Variants in ARMH4 observed in about 807,000 individuals in gnomAD.
The protein encoded by ARMH4 is armadillo like helical domain containing 4.
ARMH4 carries 49 observed loss-of-function variants against 61.9 expected under a neutral mutation model. That is an observed-to-expected ratio of 0.79 (90% CI 0.63 to 1.00). The LOEUF is 1.00. ARMH4 is among the 50% of genes least tolerant of loss of function. ARMH4 has a pLI of 0.00. For synonymous variants in ARMH4, 368 were observed against 341.5 expected, an observed-to-expected ratio of 1.08 and a Z score of -0.85; for missense variants, 934 against 930.0, an observed-to-expected ratio of 1.00 and a Z score of -0.06.
intron 5 of ARMH4, among the ~76,000 whole-genome samples, chr14:58,022,538 C>G (rs1233166116): frequency 1.3e-5 from 2 of 152,210 alleles, no homozygotes; most frequent in East Asian, 1.9e-4. Flanking sequence ...GAATCCCCAG[C>G]AGCAAGGAGC....
At chr14:58,140,975 T>C (rs1887529095) in intron 1 of ARMH4, among the ~76,000 whole-genome samples, 1 of 152,024 alleles carries the variant, frequency 6.6e-6, no homozygotes, top group Non-Finnish European at 1.5e-5. Flanking sequence ...AAAAGGTGCC[T>C]TCTATGAACC....
Position 58,035,820 on chromosome 14 carries a change from A to C in ARMH4, c.2090-23670T>G, listed in dbSNP as rs1399583904. ...TCTAGAAGAAATGGATAAATTCCTC[A>C]ACACATACACTCTCCCAAGACTAAA... On this transcript the variant is annotated intron_variant, in intron 5 of 7. Transcript: ENST00000267485. Among the ~76,000 whole-genome samples, 3 of 138,824 alleles carry C rather than the reference A, an allele frequency of 2.2e-5. No homozygotes were observed. In the East Asian group the frequency reaches 6.1e-4, roughly 28 times the overall value. The allele number at this position is 138,824 out of a possible 152,430, so 91.1% of individuals were successfully genotyped here. A position where few individuals can be genotyped will look rare whatever the true frequency, so the allele number is the denominator to read the frequency against.
At chr14:58,018,303 T>C (rs545719572) in intron 5 of ARMH4, among the ~76,000 whole-genome samples, 22 of 152,096 alleles carry the variant, frequency 1.4e-4, no homozygotes, top group African/African-American at 5.3e-4. Flanking sequence ...AGCTTCCATA[T>C]AGCCAAGGAG....
At position 58,133,297 on chromosome 14, in the gene ARMH4, C is replaced by T. The variant is rs1566596628; in HGVS notation, c.1414G>A (p.Ala472Thr). Residue 472 changes from alanine to threonine, a missense_variant, in exon 3 of 8, where the codon GCC (alanine) becomes ACC (threonine). Ala to Thr is a moderately conservative substitution (Grantham distance 58). Coordinates refer to ENST00000267485, the MANE Select transcript of ARMH4 (RefSeq NM_001001872.4). ...TCTTGTGTCACCATGGATAAAGTGGCATCTGGCTCTTGAACAGCTGTTGTC... is the reference window on the plus strand; with the variant it reads ...TCTTGTGTCACCATGGATAAAGTGGTATCTGGCTCTTGAACAGCTGTTGTC... The part of the protein sequence containing the change: ...EMTTAVQEPD[A>T]TLSMVTQEQV... The T allele has an allele frequency of 6.2e-7, 1 of 1,613,816 alleles. No homozygotes were observed.
In ARMH4 at chr14:58,025,356, G is replaced by A. The variant is rs189751237; in HGVS notation, c.2090-13206C>T. Among the ~76,000 whole-genome samples the A allele has an allele frequency of 3.9e-3, 590 of 152,134 alleles. 1 individual carries two copies. Among genetic ancestry groups the A allele is most frequent in the African/African-American group, 0.013 (545 of 41,522 alleles). The stretch of plus-strand genomic sequence containing the variant: ...GATATACTTTTAGCTAGATTCCTTA[G>A]GTTCCCATTGAATTTTGAGTTATAA... On this transcript the variant is annotated intron_variant, in intron 5 of 7. Transcript: ENST00000267485.
intron 4 of ARMH4, among the ~76,000 whole-genome samples, chr14:58,125,500 C>T (rs1257546858): frequency 6.6e-6 from 1 of 152,170 alleles, no homozygotes; most frequent in African/African-American, 2.4e-5. Flanking sequence ...GAAATAATCC[C>T]CTGCACTGCA....
At chr14:58,092,509 T>C (rs1566576016) in intron 5 of ARMH4, among the ~76,000 whole-genome samples, 1 of 152,196 alleles carries the variant, frequency 6.6e-6, no homozygotes, top group Non-Finnish European at 1.5e-5. Context: ...AACACAAATT[T>C]ATTACCTTGC....
chr14:58,030,604 C>T lies in ARMH4; in HGVS notation c.2090-18454G>A, dbSNP rs146590518. ...ATCAAGTAACACTGAAACTCTATAC[C>T]CATTTTTTAAAACTCTCCATTCTCC... On this transcript the variant is annotated intron_variant, in intron 5 of 7. Transcript: ENST00000267485. Among the ~76,000 whole-genome samples, 320 of 152,268 alleles carry T rather than the reference C, an allele frequency of 2.1e-3. 1 individual carries two copies. The highest frequency in any genetic ancestry group is 7.3e-3 in the African/African-American group (303 of 41,542).
chr14:58,048,693 ATG>A (rs1884020980), intron 5 of ARMH4, among the ~76,000 whole-genome samples: 1 of 152,228 alleles, frequency 6.6e-6, no homozygotes, highest in Non-Finnish European at 1.5e-5. Context: ...AAAACAAAGA[ATG>A]TGAGTATAAG....
At position 58,114,692 on chromosome 14, in the gene ARMH4, G is replaced by A. The variant is rs189834706; in HGVS notation, c.1831+16820C>T. 1.5e-3 allele frequency among the ~76,000 whole-genome samples: 223 copies of A among 152,162 alleles called. 4 individuals carry two copies. The highest frequency in any genetic ancestry group is 2.6e-3 in the Admixed American group (40 of 15,280). ...ATTCTCCAATTTCAAATACTCATAA[G>A]AGAATCTGTAATCTGGGTATATTTT... On this transcript the variant is annotated intron_variant, in intron 4 of 7. Coordinates refer to ENST00000267485, the MANE Select transcript of ARMH4 (RefSeq NM_001001872.4).
In ARMH4 at chr14:58,002,193, C is replaced by A. The variant is rs1882008299; in HGVS notation, c.*2543G>T. ...CAGGTTTTGTTTAAAATATGACAAC[C>A]TTTTCTGATCCTCTTAATAATCTAA... is the stretch of plus-strand genomic sequence containing the variant. On this transcript the variant is annotated 3_prime_UTR_variant, in exon 8 of 8. Coordinates refer to ENST00000267485, the MANE Select transcript of ARMH4 (RefSeq NM_001001872.4). 1 of 152,054 alleles carries A rather than the reference C, an allele frequency of 6.6e-6. No individual in the cohort carries two copies. Among genetic ancestry groups the A allele is most frequent in the Admixed American group, 6.6e-5 (1 of 15,260 alleles). The allele number at this position is 152,054 out of a possible 1,614,324, so 9.4% of individuals were successfully genotyped here.
intron 5 of ARMH4, among the ~76,000 whole-genome samples, chr14:58,050,101 T>A (rs1270129521): frequency 6.6e-6 from 1 of 152,204 alleles, no homozygotes; most frequent in Non-Finnish European, 1.5e-5. Flanking sequence ...ATGGTGCACA[T>A]CTGAGGTCCC....
At chr14:58,009,149 T>C (rs565654817) in intron 6 of ARMH4, among the ~76,000 whole-genome samples, 1 of 152,308 alleles carries the variant, frequency 6.6e-6, no homozygotes, top group Admixed American at 6.5e-5. Flanking sequence ...TAAAAATGAC[T>C]TCTTGCCTGC....
intron 6 of ARMH4, among the ~76,000 whole-genome samples, chr14:58,006,713 G>A (rs1174746676): frequency 6.7e-6 from 1 of 149,152 alleles, no homozygotes; most frequent in Non-Finnish European, 1.5e-5. Flanking sequence ...TGAACAATGA[G>A]AACACTTGGA....
intron 1 of ARMH4, 43 bp from the exon 2 acceptor site, chr14:58,139,457 G>A (rs1887458431): frequency 1.8e-6 from 2 of 1,091,446 alleles, no homozygotes; most frequent in South Asian, 1.4e-5. Context: ...ATAAATACAT[G>A]TTGTAAATAA....
intron 5 of ARMH4, among the ~76,000 whole-genome samples, chr14:58,061,391 G>A (rs978710754): frequency 5.3e-5 from 8 of 151,996 alleles, no homozygotes; most frequent in Non-Finnish European, 1.2e-4. Flanking sequence ...AGCCACACAC[G>A]GGCCACTTCC....
At chr14:58,066,813 C>T (rs995305988) in intron 5 of ARMH4, among the ~76,000 whole-genome samples, 3 of 152,178 alleles carry the variant, frequency 2.0e-5, no homozygotes. Flanking sequence ...AGTATATACA[C>T]TAACCGCAAG....
chr14:58,043,886 T>C (rs1015392546), intron 5 of ARMH4, among the ~76,000 whole-genome samples: 8 of 152,106 alleles, frequency 5.3e-5, no homozygotes, highest in African/African-American at 1.9e-4. Flanking sequence ...TACCTAGGAA[T>C]CCAACTTACA....
At chr14:58,145,378 CA>C (rs1566604426) in intron 1 of ARMH4, among the ~76,000 whole-genome samples, 1 of 152,138 alleles carries the variant, frequency 6.6e-6, no homozygotes. Flanking sequence ...AATAAAAATA[CA>C]AATATTTCTA....
Sources: allele counts gnomAD v4.1 joint callset (sites outside exome capture counted in the v4.1 genomes callset), GRCh38; gene constraint gnomAD v4.1.1; transcripts MANE v1.5; gene names NCBI Gene and HGNC (gene_info 2026-07-23, HGNC 2026-07-21).